EPHA4: variants seen among roughly 807,000 people sequenced by gnomAD.
The protein encoded by EPHA4 is ephrin type-A receptor 4.
In EPHA4, 19 loss-of-function variants were observed where a neutral mutation model predicts 108.3. The ratio of observed to expected loss-of-function variants is 0.18; its 90% CI spans 0.12 to 0.26. The LOEUF (loss-of-function observed/expected upper bound fraction) is 0.26. EPHA4 is among the 10% of genes least tolerant of loss of function. EPHA4 has a pLI of 1.00. For synonymous variants in EPHA4, 449 were observed against 455.5 expected (o/e 0.99, Z 0.18); for missense variants, 917 against 1,254.0 (o/e 0.73, Z 4.06).
rs1574653419 is a variant in EPHA4 at position 221,550,396 on chromosome 2, A to G, written c.823+13335T>C. The stretch of plus-strand genomic sequence containing the variant: ...TTTAATTTTATAAATCAATTATAGT[A>G]CCAAAACCTGATGAGGAAAGGGGAG... On this transcript the variant is annotated intron_variant, in intron 3 of 17. Transcript: ENST00000281821. Among the ~76,000 whole-genome samples, 4 of 145,298 alleles carry G rather than the reference A, an allele frequency of 2.8e-5. 1 individual carries two copies. In the East Asian group the frequency reaches 8.1e-4, roughly 29 times the overall value.
Position 221,501,018 on chromosome 2 carries a change from G to A in EPHA4, c.978C>T (p.Thr326=). ...ADNDAASMPC[T]RPPSAPLNLI... is the part of the protein sequence containing the mutation. ...ATGAGAGACAAGCATACAACTTACG[G>A]GTGCAGGGCATAGAGGCAGCATCGT... The change falls in exon 4 of 18, where the codon ACC becomes ACT. Residue 326 remains threonine (T), a splice_region_variant and synonymous_variant. Transcript: ENST00000281821. 1 of 1,599,276 alleles carries A rather than the reference G, an allele frequency of 6.3e-7. No individual in the cohort carries two copies. Among genetic ancestry groups the A allele is most frequent in the Non-Finnish European group, 8.5e-7 (1 of 1,174,218 alleles).
chr2:221,458,932 TG>T (rs1691048860), intron 5 of EPHA4, among the ~76,000 whole-genome samples: 1 of 152,170 alleles, frequency 6.6e-6, no homozygotes, highest in Admixed American at 6.5e-5. Context: ...CTAACTCCAA[TG>T]TATATATTCT....
chr2:221,456,683 G>A lies in EPHA4; in HGVS notation c.1533C>T (p.Phe511=), dbSNP rs149575379. The change falls in exon 7 of 18, where the codon TTC becomes TTT. Residue 511 remains phenylalanine, a synonymous_variant. Coordinates refer to ENST00000281821, the MANE Select transcript of EPHA4 (RefSeq NM_004438.5). ...KGLNPLTSYV[F]HVRARTAAGY... is the part of the protein sequence containing the mutation. ...CAGCTGCTGTCCTGGCTCGCACGTG[G>A]AAAACATAGGAAGTGAGAGGGTTCA... The A allele has an allele frequency of 2.5e-5, 40 of 1,613,948 alleles. No individual in the cohort carries two copies. In the African/African-American group the frequency reaches 4.5e-4, roughly 18 times the overall value.
intron 3 of EPHA4, among the ~76,000 whole-genome samples, chr2:221,554,686 T>C: frequency 6.6e-6 from 1 of 152,148 alleles, no homozygotes; most frequent in Non-Finnish European, 1.5e-5. Flanking sequence ...GAATTTTATC[T>C]GGGGACATAA....
At chr2:221,541,926 A>G (rs1218506331) in intron 3 of EPHA4, among the ~76,000 whole-genome samples, 1 of 152,214 alleles carries the variant, frequency 6.6e-6, no homozygotes, top group Non-Finnish European at 1.5e-5. Flanking sequence ...TCTACAATAA[A>G]CAGTATTTGT....
chr2:221,459,494 G>A (rs1446129275), intron 5 of EPHA4, among the ~76,000 whole-genome samples: 1 of 151,838 alleles, frequency 6.6e-6, no homozygotes, highest in Non-Finnish European at 1.5e-5. Flanking sequence ...CTGAACATCT[G>A]AGGAAAATGA....
intron 5 of EPHA4, among the ~76,000 whole-genome samples, chr2:221,467,028 A>T (rs1375466367): frequency 2.0e-5 from 3 of 152,232 alleles, no homozygotes; most frequent in Non-Finnish European, 4.4e-5. Context: ...GGCTGTCAGA[A>T]ACCCAGGGGT....
At chr2:221,489,789 A>G (rs912743033) in intron 4 of EPHA4, among the ~76,000 whole-genome samples, 8 of 152,200 alleles carry the variant, frequency 5.3e-5, no homozygotes, top group Non-Finnish European at 1.0e-4. Flanking sequence ...TGCTAAATGA[A>G]CAAATGAATG....
chr2:221,527,565 C>T (rs1693377012), intron 3 of EPHA4, among the ~76,000 whole-genome samples: 1 of 152,100 alleles, frequency 6.6e-6, no homozygotes. Context: ...AGGCCCCAGC[C>T]CCAGCAACCG....
intron 5 of EPHA4, among the ~76,000 whole-genome samples, chr2:221,469,488 T>C (rs186034634): frequency 6.6e-6 from 1 of 152,212 alleles, no homozygotes; most frequent in Non-Finnish European, 1.5e-5. Context: ...TTCTATTTTT[T>C]ATTTCTCAAA....
At chr2:221,438,973 T>C (rs1203909520) in intron 11 of EPHA4, among the ~76,000 whole-genome samples, 1 of 152,110 alleles carries the variant, frequency 6.6e-6, no homozygotes, top group Non-Finnish European at 1.5e-5. Context: ...TGGGGAAATT[T>C]TTCACCTTAG....
chr2:221,495,613 AG>A (rs1387454995), intron 4 of EPHA4, among the ~76,000 whole-genome samples: 11 of 152,222 alleles, frequency 7.2e-5, no homozygotes. Flanking sequence ...TCTCACAGGC[AG>A]CCATTTATGT....
chr2:221,530,814 A>C lies in EPHA4; in HGVS notation c.824-29642T>G, dbSNP rs140463685. Among the ~76,000 whole-genome samples the C allele has an allele frequency of 6.9e-3, 1,057 of 152,226 alleles. 14 individuals are homozygous for C. Among genetic ancestry groups the C allele is most frequent in the Admixed American group, 8.6e-3 (132 of 15,284 alleles). On this transcript the variant is annotated intron_variant, in intron 3 of 17. Transcript: ENST00000281821. ...CAGGGGGTCAGTGCTTTTTCAGTCC[A>C]AAAATCAGCACCTCCTACACAGCCC...
At chr2:221,474,991 C>G (rs970723319) in intron 5 of EPHA4, among the ~76,000 whole-genome samples, 2 of 152,128 alleles carry the variant, frequency 1.3e-5, no homozygotes, top group Non-Finnish European at 2.9e-5. Flanking sequence ...GTGCCTCAGT[C>G]TCCTGAGTAG....
chr2:221,515,060 C>A (rs534809497), intron 3 of EPHA4, among the ~76,000 whole-genome samples: 8 of 152,164 alleles, frequency 5.3e-5, no homozygotes, highest in African/African-American at 1.9e-4. Flanking sequence ...AGTTGAAAAC[C>A]TTTTCTAGGA....
chr2:221,573,862 G>A (rs1334735400), upstream of EPHA4: 1 of 152,278 alleles, frequency 6.6e-6, no homozygotes, highest in Admixed American at 6.5e-5. The surrounding 1 kb of genome is among the most constrained non-coding windows in gnomAD (Gnocchi z 4.5). Context: ...TGGGGCTGCG[G>A]ACAGCGCTCA....
At chr2:221,536,377 C>T (rs1204175887) in intron 3 of EPHA4, among the ~76,000 whole-genome samples, 1 of 152,084 alleles carries the variant, frequency 6.6e-6, no homozygotes, top group African/African-American at 2.4e-5. Context: ...GTTTTTAATC[C>T]CTGTACTAGA....
intron 3 of EPHA4, among the ~76,000 whole-genome samples, chr2:221,509,742 TGACAAAAGCAAAAA>T (rs1559272289): frequency 1.1e-4 from 16 of 152,282 alleles, no homozygotes; most frequent in African/African-American, 3.6e-4. Flanking sequence ...AAGTAAAGAA[TGACAAAAGCAAAAA>T]ATAAACTACA....
At chr2:221,501,823 G>T (rs1251431144) in intron 3 of EPHA4, among the ~76,000 whole-genome samples, 3 of 152,174 alleles carry the variant, frequency 2.0e-5, no homozygotes, top group Non-Finnish European at 4.4e-5. Context: ...AGCTTGTAAG[G>T]CACGGGTCAC....
Sources: gnomAD v4.1 joint callset for allele counts (sites outside exome capture counted in the v4.1 genomes callset) on GRCh38, gnomAD v4.1.1 for gene constraint, Gnocchi (gnomAD v3.1) non-coding constraint, MANE v1.5 for transcripts, NCBI Gene and HGNC (gene_info 2026-07-23, HGNC 2026-07-21) for gene names.